Variants in PARD3B observed in about 807,000 individuals in gnomAD.
PARD3B encodes partitioning defective 3 homolog B.
In PARD3B, 103 loss-of-function variants were observed where a neutral mutation model predicts 130.2. The observed-to-expected ratio is 0.79, with a 90% CI of 0.67 to 0.93. The LOEUF (loss-of-function observed/expected upper bound fraction) is 0.93, where lower values mean the gene tolerates loss of function less well. Among genes scored for constraint, PARD3B ranks in the 40% least tolerant of loss-of-function variants. PARD3B has a pLI of 0.00. For synonymous variants in PARD3B, 583 were observed against 553.2 expected, an observed-to-expected ratio of 1.05 and a Z score of -0.76; for missense variants, 1,609 against 1,499.2, an observed-to-expected ratio of 1.07 and a Z score of -1.21.
At chr2:204,560,737 GA>G (rs1215524608) in intron 1 of PARD3B, among the ~76,000 whole-genome samples, 1 of 152,136 alleles carries the variant, frequency 6.6e-6, no homozygotes, top group African/African-American at 2.4e-5. Context: ...CAGAGTTAAG[GA>G]AGCATTTGGG....
intron 2 of PARD3B, among the ~76,000 whole-genome samples, chr2:204,730,093 G>A (rs996255918): frequency 2.7e-5 from 4 of 149,216 alleles, no homozygotes; most frequent in East Asian, 2.0e-4. Context: ...TTTTTGAGAC[G>A]GACAGAGTTT....
intron 1 of PARD3B, among the ~76,000 whole-genome samples, chr2:204,578,251 A>G (rs1429155386): frequency 1.3e-5 from 2 of 152,202 alleles, no homozygotes; most frequent in African/African-American, 2.4e-5. Flanking sequence ...TAGAGCTGAT[A>G]CTAAACTTAC....
chr2:204,880,359 C>T (rs1163293297), intron 2 of PARD3B, among the ~76,000 whole-genome samples: 1 of 152,008 alleles, frequency 6.6e-6, no homozygotes, highest in Non-Finnish European at 1.5e-5. Context: ...TATGTACATG[C>T]AGTTTGAAAT....
At chr2:205,566,731 C>T (rs1575380348) in intron 22 of PARD3B, among the ~76,000 whole-genome samples, 3 of 152,168 alleles carry the variant, frequency 2.0e-5, no homozygotes, top group Middle Eastern at 3.4e-3. Context: ...AGCAAAAGAC[C>T]CCAGGGCATA....
At chr2:204,946,660 G>A (rs1689349244) in intron 2 of PARD3B, among the ~76,000 whole-genome samples, 1 of 152,164 alleles carries the variant, frequency 6.6e-6, no homozygotes, top group Non-Finnish European at 1.5e-5. Context: ...TGAACCACTA[G>A]GCTTGTGCAT....
At position 205,407,305 on chromosome 2, in the gene PARD3B, G is replaced by T. The variant is rs574588673; in HGVS notation, c.2741+6182G>T. The stretch of plus-strand genomic sequence containing the variant: ...CTGCATTAAATAAACTCATCATTTT[G>T]TTCATGCTTCAGTGAGATTAGCCAT... On this transcript the variant is annotated intron_variant, in intron 19 of 22. Coordinates refer to ENST00000406610, the MANE Select transcript of PARD3B (RefSeq NM_001302769.2). The surrounding 1 kb of genome is among the most constrained non-coding windows in gnomAD (Gnocchi z 4.1). 1.3e-5 allele frequency among the ~76,000 whole-genome samples: 2 copies of T among 152,186 alleles called. No individual in the cohort carries two copies. Among genetic ancestry groups the T allele is most frequent in the East Asian group, 3.9e-4 (2 of 5,176 alleles).
At chr2:205,251,606 CTT>C (rs1186944530) in intron 16 of PARD3B, among the ~76,000 whole-genome samples, 3 of 152,096 alleles carry the variant, frequency 2.0e-5, no homozygotes, top group Admixed American at 1.3e-4. Context: ...TGTGTTGAGT[CTT>C]ATTATTCCAT....
At chr2:205,199,590 A>G (rs995570090) in intron 15 of PARD3B, among the ~76,000 whole-genome samples, 2 of 152,126 alleles carry the variant, frequency 1.3e-5, no homozygotes, top group African/African-American at 4.8e-5. Flanking sequence ...AAAACCTAGT[A>G]AAAGTTAGAC....
At chr2:205,576,944 T>C (rs1203571729) in intron 22 of PARD3B, among the ~76,000 whole-genome samples, 1 of 152,172 alleles carries the variant, frequency 6.6e-6, no homozygotes, top group Admixed American at 6.5e-5. Flanking sequence ...GTCTCTCCAT[T>C]TATTTAGGTC....
Position 204,793,212 on chromosome 2 carries a change from G to A in PARD3B, c.222+106930G>A, listed in dbSNP as rs937637037. Among the ~76,000 whole-genome samples the A allele has an allele frequency of 2.6e-5, 4 of 151,864 alleles. No individual in the cohort carries two copies. In the East Asian group the frequency reaches 5.8e-4, roughly 22 times the overall value. ...CCTCTTTGACAAAAACAAAGTTTTC[G>A]TTTCATCCAGAATATTTCATTTATA... is the stretch of plus-strand genomic sequence containing the variant. On this transcript the variant is annotated intron_variant, in intron 2 of 22. Transcript: ENST00000406610.
rs2040384860 is a variant in PARD3B at position 205,263,253 on chromosome 2, C to T, written c.2185+17431C>T. 6.6e-6 allele frequency among the ~76,000 whole-genome samples: 1 copy of T among 151,974 alleles called. No homozygotes were observed. The highest frequency in any genetic ancestry group is 2.4e-5 in the African/African-American group (1 of 41,408). On this transcript the variant is annotated intron_variant, in intron 16 of 22. Coordinates refer to ENST00000406610, the MANE Select transcript of PARD3B (RefSeq NM_001302769.2). This position sits in a 1 kb window ranked among gnomAD's most constrained non-coding sequence, Gnocchi z 4.0. ...GATTTTCCCTCTTGATTGGCTCCTT[C>T]CTTTAATCCAAGGAGAATTAATCAA...
At chr2:205,372,618 T>C (rs1293694085) in intron 18 of PARD3B, among the ~76,000 whole-genome samples, 1 of 152,220 alleles carries the variant, frequency 6.6e-6, no homozygotes, top group East Asian at 1.9e-4. Context: ...TTTCCTTCCT[T>C]TTCTAATATT....
chr2:204,698,602 G>A (rs1004439355), intron 2 of PARD3B, among the ~76,000 whole-genome samples: 1 of 151,604 alleles, frequency 6.6e-6, no homozygotes, highest in South Asian at 2.1e-4. Flanking sequence ...CTATTAAGAT[G>A]TGTTTGTCAT....
At chr2:205,500,216 G>A (rs1030732216) in intron 21 of PARD3B, among the ~76,000 whole-genome samples, 185 bp downstream of exon 21, 4 of 152,086 alleles carry the variant, frequency 2.6e-5, no homozygotes, top group African/African-American at 9.7e-5. Context: ...GAAATCAAAC[G>A]CCGTGAACGT....
rs192094090 is a variant in PARD3B at position 205,105,683 on chromosome 2, C to A, written c.593+1169C>A. On this transcript the variant is annotated intron_variant, in intron 5 of 22. Transcript: ENST00000406610. The surrounding 1 kb of genome is among the most constrained non-coding windows in gnomAD (Gnocchi z 4.0). ...ACTAGGCTAGGTGGTGCCTGCCTAT[C>A]ATCCCAGCTACTTGAGAGGCTGATA... 6.6e-6 allele frequency among the ~76,000 whole-genome samples: 1 copy of A among 151,892 alleles called. No individual in the cohort carries two copies. The highest frequency in any genetic ancestry group is 6.6e-5 in the Admixed American group (1 of 15,258).
rs993566426 is a variant in PARD3B, at chr2:205,366,377, G to T, written c.2631-34636G>T. On this transcript the variant is annotated intron_variant, in intron 18 of 22. Coordinates refer to ENST00000406610, the MANE Select transcript of PARD3B (RefSeq NM_001302769.2). The surrounding 1 kb of genome is among the most constrained non-coding windows in gnomAD (Gnocchi z 5.0). ...CAGTGCTTACATGGACAGAGGTAAA[G>T]AATTTCCTACTTATATTCGATGACA... is the stretch of plus-strand genomic sequence containing the variant. Among the ~76,000 whole-genome samples, 1 of 152,088 alleles carries T rather than the reference G, an allele frequency of 6.6e-6. No homozygotes were observed. The highest frequency in any genetic ancestry group is 2.4e-5 in the African/African-American group (1 of 41,434).
At chr2:204,935,266 A>G (rs1392261344) in intron 2 of PARD3B, among the ~76,000 whole-genome samples, 3 of 150,942 alleles carry the variant, frequency 2.0e-5, no homozygotes, top group Non-Finnish European at 4.4e-5. Flanking sequence ...GCAGTGGCTC[A>G]CGCCTGTAAT....
At chr2:205,193,182 C>A in intron 14 of PARD3B, 23 bp from the exon 15 acceptor site, 1 of 1,509,416 alleles carries the variant, frequency 6.6e-7, no homozygotes, top group Non-Finnish European at 9.2e-7. Context: ...AACCTAAATA[C>A]AACATATGGC....
Position 205,550,429 on chromosome 2 carries a change from T to C in PARD3B, c.3181-2895T>C, listed in dbSNP as rs1206509621. Among the ~76,000 whole-genome samples, 1 of 152,196 alleles carries C rather than the reference T, an allele frequency of 6.6e-6. No homozygotes were observed. Among genetic ancestry groups the C allele is most frequent in the African/African-American group, 2.4e-5 (1 of 41,454 alleles). On this transcript the variant is annotated intron_variant, in intron 21 of 22. Coordinates refer to ENST00000406610, the MANE Select transcript of PARD3B (RefSeq NM_001302769.2). The surrounding 1 kb of genome is among the most constrained non-coding windows in gnomAD (Gnocchi z 4.5). ...TGCATTAATGATGTTGCAGTATCAA[T>C]GGAGAAACATACAAAGATATACACA...
Sources: allele counts gnomAD v4.1 joint callset (sites outside exome capture counted in the v4.1 genomes callset), GRCh38; gene constraint gnomAD v4.1.1; non-coding constraint Gnocchi (gnomAD v3.1); transcripts MANE v1.5; gene names NCBI Gene and HGNC (gene_info 2026-07-23, HGNC 2026-07-21).